ZNF804B: variants seen among roughly 807,000 people sequenced by gnomAD.
The protein encoded by ZNF804B is zinc finger protein 804B.
ZNF804B carries 80 observed loss-of-function variants against 101.4 expected under a neutral mutation model. The observed-to-expected ratio is 0.79, with a 90% CI of 0.66 to 0.95. The LOEUF is 0.95. Ranked by LOEUF, ZNF804B falls within the 40% of genes least tolerant of loss-of-function variation. The pLI is 0.00. For synonymous variants in ZNF804B, 622 were observed against 558.8 expected (o/e 1.11, Z -1.59); for missense variants, 1,673 against 1,561.9 (o/e 1.07, Z -1.20).
chr7:89,334,941 A>G lies in ZNF804B; in HGVS notation c.1959A>G (p.Gln653=), dbSNP rs1158218945. 6.2e-7 allele frequency: 1 copy of G among 1,613,924 alleles called. No individual in the cohort carries two copies. Among genetic ancestry groups the G allele is most frequent in the Non-Finnish European group, 8.5e-7 (1 of 1,179,900 alleles). ...ATTTGGAATTTGAAGATGAAAGACA[A>G]TTCAACTGCAAGTCCAGTCCTTGTA... ...SPHLEFEDER[Q]FNCKSSPCTV... The change falls in exon 4 of 4, where the codon CAA becomes CAG. Residue 653 remains glutamine, a synonymous_variant. Transcript: ENST00000333190.
intron 1 of ZNF804B, among the ~76,000 whole-genome samples, chr7:89,140,505 A>G (rs778361948): frequency 6.6e-6 from 1 of 152,120 alleles, no homozygotes; most frequent in East Asian, 1.9e-4. Context: ...AATGTAGTCT[A>G]TCAATGATCT....
chr7:88,851,240 A>G (rs984002100), intron 1 of ZNF804B, among the ~76,000 whole-genome samples: 8 of 152,120 alleles, frequency 5.3e-5, no homozygotes, highest in Non-Finnish European at 1.2e-4. Context: ...TAATAGCTGA[A>G]TATTTTCTCA....
At chr7:88,973,486 G>C (rs1793567134) in intron 1 of ZNF804B, among the ~76,000 whole-genome samples, 1 of 151,044 alleles carries the variant, frequency 6.6e-6, no homozygotes, top group Non-Finnish European at 1.5e-5. Flanking sequence ...AATAAAACCT[G>C]GAAACATACT....
chr7:88,875,171 G>C (rs1791910233), intron 1 of ZNF804B, among the ~76,000 whole-genome samples: 1 of 143,070 alleles, frequency 7.0e-6, no homozygotes, highest in African/African-American at 2.7e-5. Flanking sequence ...TGTGTAGAGG[G>C]AAATTTATAG....
At chr7:88,877,085 A>T (rs1791965736) in intron 1 of ZNF804B, among the ~76,000 whole-genome samples, 1 of 74,148 alleles carries the variant, frequency 1.3e-5, no homozygotes, top group South Asian at 5.0e-4. Flanking sequence ...TTTGAGGCAG[A>T]GTCTCCCTCT....
In ZNF804B at chr7:89,135,080, G is replaced by A. The variant is rs139843145; in HGVS notation, c.109-83075G>A. The stretch of plus-strand genomic sequence containing the variant: ...GCTACAAAGTGATTAGAAAATATTC[G>A]TTGTATTTGGTCATTAATGAACTGT... On this transcript the variant is annotated intron_variant, in intron 1 of 3. Coordinates refer to ENST00000333190, the MANE Select transcript of ZNF804B (RefSeq NM_181646.5). Among the ~76,000 whole-genome samples, 3 of 152,140 alleles carry A rather than the reference G, an allele frequency of 2.0e-5. No homozygotes were observed. In the South Asian group the frequency reaches 6.2e-4, roughly 32 times the overall value.
At chr7:89,217,393 G>T (rs1788913502) in intron 1 of ZNF804B, among the ~76,000 whole-genome samples, 2 of 152,138 alleles carry the variant, frequency 1.3e-5, no homozygotes, top group Non-Finnish European at 2.9e-5. Context: ...CTAAGCACTG[G>T]TTGATGCATC....
chr7:88,966,088 A>T (rs1186871066), intron 1 of ZNF804B, among the ~76,000 whole-genome samples: 3 of 151,378 alleles, frequency 2.0e-5, no homozygotes, highest in Admixed American at 6.6e-5. Flanking sequence ...AGCTTTCATA[A>T]TTTTTTTGCA....
chr7:89,154,546 C>A (rs11770617), intron 1 of ZNF804B, among the ~76,000 whole-genome samples: 1 of 151,990 alleles, frequency 6.6e-6, no homozygotes, highest in African/African-American at 2.4e-5. Flanking sequence ...ACAATGAGAT[C>A]CTGTCATTTG....
At chr7:89,109,811 A>C (rs1451085535) in intron 1 of ZNF804B, among the ~76,000 whole-genome samples, 1 of 152,074 alleles carries the variant, frequency 6.6e-6, no homozygotes, top group African/African-American at 2.4e-5. Flanking sequence ...GGGAGATGAA[A>C]TATTTTATTT....
chr7:89,119,277 G>C (rs1052255280), intron 1 of ZNF804B, among the ~76,000 whole-genome samples: 4 of 151,976 alleles, frequency 2.6e-5, no homozygotes, highest in Admixed American at 1.3e-4. Flanking sequence ...AATTACAACA[G>C]AACATTTCAA....
chr7:89,214,092 T>C (rs1788848770), intron 1 of ZNF804B, among the ~76,000 whole-genome samples: 1 of 152,216 alleles, frequency 6.6e-6, no homozygotes. Context: ...CCCAAAACAT[T>C]AATTATAAAA....
chr7:89,253,733 A>G (rs1003301560), intron 2 of ZNF804B, among the ~76,000 whole-genome samples: 10 of 152,236 alleles, frequency 6.6e-5, no homozygotes, highest in African/African-American at 2.2e-4. Flanking sequence ...AAAAATGTAT[A>G]TTACAGGCCC....
At chr7:88,901,694 C>G (rs961480068) in intron 1 of ZNF804B, among the ~76,000 whole-genome samples, 3 of 151,672 alleles carry the variant, frequency 2.0e-5, no homozygotes, top group East Asian at 1.9e-4. Context: ...AGATTTGATC[C>G]AAAGACAAAT....
chr7:89,077,150 CT>C, intron 1 of ZNF804B, among the ~76,000 whole-genome samples: 1 of 152,110 alleles, frequency 6.6e-6, no homozygotes, highest in Non-Finnish European at 1.5e-5. Flanking sequence ...GTGTAATGCT[CT>C]TCAATAAACT....
chr7:89,107,640 C>A (rs1790155003), intron 1 of ZNF804B, among the ~76,000 whole-genome samples: 1 of 152,110 alleles, frequency 6.6e-6, no homozygotes. Flanking sequence ...TTTGACCCTT[C>A]AACTGGAGAG....
intron 1 of ZNF804B, among the ~76,000 whole-genome samples, chr7:88,802,094 A>G (rs779727399): frequency 1.3e-5 from 2 of 151,880 alleles, no homozygotes; most frequent in Non-Finnish European, 2.9e-5. Context: ...AAATGGCGGT[A>G]TCTCCTGTGC....
intron 1 of ZNF804B, among the ~76,000 whole-genome samples, chr7:89,168,904 A>G (rs915698210): frequency 6.6e-6 from 1 of 152,068 alleles, no homozygotes; most frequent in East Asian, 1.9e-4. Context: ...CACTCCCAAG[A>G]TGGCAGGAAG....
rs577411978 is a variant in ZNF804B at position 89,259,979 on chromosome 7, C to T, written c.249+41684C>T. 2.1e-4 allele frequency among the ~76,000 whole-genome samples: 31 copies of T among 149,086 alleles called. 1 individual carries two copies. Among genetic ancestry groups the T allele is most frequent in the Admixed American group, 1.7e-3 (26 of 14,960 alleles). On this transcript the variant is annotated intron_variant, in intron 2 of 3. Coordinates refer to ENST00000333190, the MANE Select transcript of ZNF804B (RefSeq NM_181646.5). ...CAACCTGGGCGACAAAGCGAAACTC[C>T]GTCAAAAAAATAAAAAGAGAGAGAG...
Sources: allele counts gnomAD v4.1 joint callset (sites outside exome capture counted in the v4.1 genomes callset), GRCh38; gene constraint gnomAD v4.1.1; transcripts MANE v1.5; gene names NCBI Gene and HGNC (gene_info 2026-07-23, HGNC 2026-07-21).